Variants in SESN3 observed in about 807,000 individuals in gnomAD.
The protein encoded by SESN3 is sestrin 3.
A neutral mutation model predicts 55.3 loss-of-function variants in SESN3; 21 were observed. The observed-to-expected ratio is 0.38, with a 90% CI of 0.27 to 0.55. The LOEUF (loss-of-function observed/expected upper bound fraction) is 0.55, where lower values mean the gene tolerates loss of function less well. Among genes scored for constraint, SESN3 ranks in the 20% least tolerant of loss-of-function variants. The pLI is 0.76. For missense variants in SESN3, 408 were observed against 604.3 expected, an observed-to-expected ratio of 0.68 and a Z score of 3.41; for synonymous variants, 181 against 203.1, an observed-to-expected ratio of 0.89 and a Z score of 0.93.
At chr11:95,224,892 G>T (rs533146712) in intron 1 of SESN3, among the ~76,000 whole-genome samples, 1 of 152,262 alleles carries the variant, frequency 6.6e-6, no homozygotes, top group South Asian at 2.1e-4. Flanking sequence ...GAAAAAAGTG[G>T]CTAGTTCAGC....
At chr11:95,196,894 C>T (rs941938969) in intron 1 of SESN3, among the ~76,000 whole-genome samples, 1 of 152,152 alleles carries the variant, frequency 6.6e-6, no homozygotes, top group Non-Finnish European at 1.5e-5. Flanking sequence ...CAGAGTTATT[C>T]ATTTGATGGT....
At position 95,167,475 on chromosome 11, in the gene SESN3, C is replaced by CCATATATATATATATATATATATAT. The variant is rs563322416; in HGVS notation, c.*5779_*5780insATATATATATATATATATATATATG. On this transcript the variant is annotated 3_prime_UTR_variant, in exon 10 of 10. Transcript: ENST00000536441. ...TCAGATATTCATTCTGTTTCCCCCC[C>CCATATATATATATATATATATATAT]ATATATATAATTTTTCATTCTGTAC... The CCATATATATATATATATATATATAT allele has an allele frequency of 1.3e-5, 2 of 150,820 alleles. No individual in the cohort carries two copies. The highest frequency in any genetic ancestry group is 5.0e-5 in the African/African-American group (2 of 40,220). The allele number at this position is 150,820 out of a possible 1,614,324, so 9.3% of individuals were successfully genotyped here.
chr11:95,223,710 T>C (rs181221763), intron 1 of SESN3, among the ~76,000 whole-genome samples: 249 of 152,336 alleles, frequency 1.6e-3, no homozygotes, highest in Non-Finnish European at 2.9e-3. Flanking sequence ...TTAAGCTTTT[T>C]ATTTTCCCCA....
rs1419190179 is a variant in SESN3 at position 95,172,544 on chromosome 11, A to G, written c.*711T>C. ...GAAACTTCCATTTTAGAAGAGAAAG[A>G]AAATAGCTGAATTTGGCATTTCAGT... On this transcript the variant is annotated 3_prime_UTR_variant, in exon 10 of 10. Coordinates refer to ENST00000536441, the MANE Select transcript of SESN3 (RefSeq NM_144665.4). The G allele has an allele frequency of 6.6e-6, 1 of 152,236 alleles. No homozygotes were observed. Among genetic ancestry groups the G allele is most frequent in the African/African-American group, 2.4e-5 (1 of 41,458 alleles). 9.4% of individuals were successfully genotyped at this position (152,236 alleles called of 1,614,324 possible). A position where few individuals can be genotyped will look rare whatever the true frequency, so the allele number is the denominator to read the frequency against.
Position 95,167,475 on chromosome 11 carries a change from C to CCATATAT in SESN3, c.*5779_*5780insATATATG, listed in dbSNP as rs563322416. 6 of 150,938 alleles carry CCATATAT rather than the reference C, an allele frequency of 4.0e-5. No homozygotes were observed. Among genetic ancestry groups the CCATATAT allele is most frequent in the African/African-American group, 1.5e-4 (6 of 40,340 alleles). 9.3% of individuals were successfully genotyped at this position (150,938 alleles called of 1,614,324 possible). A position where few individuals can be genotyped will look rare whatever the true frequency, so the allele number is the denominator to read the frequency against. Reference sequence around the variant, plus strand: ...TCAGATATTCATTCTGTTTCCCCCCCATATATATAATTTTTCATTCTGTAC... The same window carrying CCATATAT: ...TCAGATATTCATTCTGTTTCCCCCCCCATATATATATATATAATTTTTCATTCTGTAC... On this transcript the variant is annotated 3_prime_UTR_variant, in exon 10 of 10. Transcript: ENST00000536441.
intron 1 of SESN3, among the ~76,000 whole-genome samples, chr11:95,195,307 G>GA (rs1483416383): frequency 1.3e-5 from 2 of 151,852 alleles, no homozygotes; most frequent in African/African-American, 4.8e-5. Flanking sequence ...ATTTAAATCT[G>GA]AAAAAAATAT....
intron 8 of SESN3, among the ~76,000 whole-genome samples, chr11:95,177,064 AC>A (rs754293787): frequency 2.6e-5 from 4 of 152,290 alleles, no homozygotes; most frequent in Admixed American, 6.5e-5. Flanking sequence ...ATAATTTGTA[AC>A]TGGAAAGTTT....
upstream of SESN3, chr11:95,232,173 A>C (rs1861083414): frequency 6.6e-6 from 1 of 152,264 alleles, no homozygotes; most frequent in African/African-American, 2.4e-5. Flanking sequence ...TAAAGCTTAA[A>C]ATGGTAAGTC....
At position 95,184,428 on chromosome 11, in the gene SESN3, G is replaced by A; in HGVS notation, c.929C>T (p.Pro310Leu). ...AAAGTGCAAAAAAGCACCTGAATGA[G>A]GAAATGAATGAAAAGTATCTCCAGA... ...VVSGDTFHSF[P>L]HSDFEDDMII... Residue 310 changes from proline (P) to leucine (L), a missense_variant, in exon 6 of 10, where the codon CCT becomes CTT. Around this residue, in one of 4 missense-constraint regions of SESN3, gnomAD observed 119 missense variants for 139.9 expected, o/e 0.85. Coordinates refer to ENST00000536441, the MANE Select transcript of SESN3 (RefSeq NM_144665.4). 1 of 1,613,360 alleles carries A rather than the reference G, an allele frequency of 6.2e-7. No homozygotes were observed. The highest frequency in any genetic ancestry group is 1.3e-5 in the African/African-American group (1 of 74,938).
chr11:95,231,705 T>G (rs1861073732), upstream of SESN3: 1 of 152,276 alleles, frequency 6.6e-6, no homozygotes, highest in Non-Finnish European at 1.5e-5. Flanking sequence ...TTCAGGGCAG[T>G]GGTTAGGCTT....
chr11:95,175,704 A>G (rs1403829231), intron 8 of SESN3, 62 bp from the exon 9 acceptor site: 4 of 1,354,102 alleles, frequency 3.0e-6, no homozygotes, highest in Non-Finnish European at 4.1e-6. Flanking sequence ...TTCCAAAGTT[A>G]TACTAAGGAC....
intron 7 of SESN3, 59 bp from the exon 8 acceptor site, chr11:95,177,968 A>G: frequency 4.4e-6 from 5 of 1,147,602 alleles, no homozygotes; most frequent in South Asian, 1.4e-5. Context: ...AATTCTATGT[A>G]TTATTAAATA....
At chr11:95,197,229 T>C (rs1860377813) in intron 1 of SESN3, among the ~76,000 whole-genome samples, 1 of 152,142 alleles carries the variant, frequency 6.6e-6, no homozygotes, top group African/African-American at 2.4e-5. Context: ...TCTTCTCACA[T>C]AACTGAAATT....
upstream of SESN3, chr11:95,231,614 TAG>T (rs1297325271): frequency 2.0e-5 from 3 of 153,054 alleles, no homozygotes; most frequent in East Asian, 1.9e-4. Flanking sequence ...TAGAGCTCGC[TAG>T]AGAGTCTAAG....
At chr11:95,182,516 C>CT (rs1470822985) in intron 6 of SESN3, among the ~76,000 whole-genome samples, 2 of 152,154 alleles carry the variant, frequency 1.3e-5, no homozygotes, top group Non-Finnish European at 2.9e-5. Context: ...ACTGGCATTA[C>CT]TTGGAGGCTT....
chr11:95,186,817 T>C (rs1860176617), intron 4 of SESN3, among the ~76,000 whole-genome samples: 1 of 151,698 alleles, frequency 6.6e-6, no homozygotes, highest in African/African-American at 2.4e-5. Flanking sequence ...ATAAAGAGGG[T>C]CATTATTGAA....
intron 1 of SESN3, among the ~76,000 whole-genome samples, chr11:95,205,092 G>A (rs959770489): frequency 1.3e-5 from 2 of 152,156 alleles, no homozygotes; most frequent in Non-Finnish European, 2.9e-5. Context: ...TTAAGTCTAT[G>A]TGGATACAAC....
upstream of SESN3, chr11:95,231,385 A>G (rs567813006): frequency 1.6e-4 from 58 of 372,614 alleles, no homozygotes; most frequent in South Asian, 1.1e-3. Flanking sequence ...ATCTCCGGGC[A>G]AGTTAAGTTT....
intron 6 of SESN3, chr11:95,184,007 G>A: frequency 5.0e-6 from 1 of 201,912 alleles, no homozygotes; most frequent in Non-Finnish European, 9.8e-6. Flanking sequence ...TGGAAAAGCA[G>A]CAGTGTGAGA....
Sources: allele counts gnomAD v4.1 joint callset (sites outside exome capture counted in the v4.1 genomes callset), GRCh38; gene constraint gnomAD v4.1.1; regional missense constraint gnomAD v4.1.1; transcripts MANE v1.5; gene names NCBI Gene and HGNC (gene_info 2026-07-23, HGNC 2026-07-21).